The following ADTRP variants were observed in gnomAD, a reference collection of about 807,000 sequenced individuals.
ADTRP encodes androgen-dependent TFPI-regulating protein.
In ADTRP, 20 loss-of-function variants were observed where a neutral mutation model predicts 27.0. That is an observed-to-expected ratio of 0.74 (90% CI 0.52 to 1.08). The LOEUF is 1.08. Among genes scored for constraint, ADTRP ranks in the 50% least tolerant of loss-of-function variants. The probability of loss-of-function intolerance (pLI) is 0.00; values close to 1 mark genes in which losing one functional copy is unlikely to be tolerated. For synonymous variants in ADTRP, 101 were observed against 105.2 expected, an observed-to-expected ratio of 0.96 and a Z score of 0.25; for missense variants, 251 against 275.0, an observed-to-expected ratio of 0.91 and a Z score of 0.62.
intron 3 of ADTRP, among the ~76,000 whole-genome samples, chr6:11,739,081 A>ACT (rs1275304956): frequency 6.6e-6 from 1 of 152,210 alleles, no homozygotes; most frequent in Non-Finnish European, 1.5e-5. Context: ...AGAGAAAAAT[A>ACT]AAATATGTTT....
At chr6:11,759,433 T>C (rs927438114) in intron 3 of ADTRP, among the ~76,000 whole-genome samples, 8 of 152,210 alleles carry the variant, frequency 5.3e-5, no homozygotes, top group African/African-American at 1.4e-4. Context: ...ATCTGTATCA[T>C]ACAATCTCTA....
At chr6:11,761,935 G>A (rs151283706) in intron 3 of ADTRP, among the ~76,000 whole-genome samples, 2 of 152,296 alleles carry the variant, frequency 1.3e-5, no homozygotes, top group East Asian at 3.9e-4. Context: ...GCTGAATTGA[G>A]GGTGAGGAAT....
intron 2 of ADTRP, among the ~76,000 whole-genome samples, chr6:11,766,780 T>G (rs1271761564): frequency 6.6e-6 from 1 of 152,110 alleles, no homozygotes; most frequent in Non-Finnish European, 1.5e-5. Flanking sequence ...TTGTCCACCC[T>G]CTAAATAGGC....
At chr6:11,731,160 A>G (rs535003683) in intron 4 of ADTRP, among the ~76,000 whole-genome samples, 1 of 152,362 alleles carries the variant, frequency 6.6e-6, no homozygotes, top group Admixed American at 6.5e-5. Flanking sequence ...AAACTGGACC[A>G]AGACCTCCAA....
At chr6:11,714,837 A>G (rs967603051) in intron 5 of ADTRP, among the ~76,000 whole-genome samples, 20 of 152,224 alleles carry the variant, frequency 1.3e-4, no homozygotes, top group Non-Finnish European at 5.9e-5. Context: ...CACACAATCC[A>G]TCAGCAAACT....
chr6:11,735,209 T>C (rs1256335479), intron 4 of ADTRP, among the ~76,000 whole-genome samples: 1 of 152,192 alleles, frequency 6.6e-6, no homozygotes, highest in Non-Finnish European at 1.5e-5. Context: ...AGAATGTAGT[T>C]AGATGCCTCA....
intron 1 of ADTRP, among the ~76,000 whole-genome samples, chr6:11,772,584 T>C (rs1763818486): frequency 6.6e-6 from 1 of 152,136 alleles, no homozygotes; most frequent in East Asian, 1.9e-4. Context: ...ATTGGATGAG[T>C]CAAGTAATCC....
chr6:11,737,406 C>T (rs1407667987), intron 3 of ADTRP, among the ~76,000 whole-genome samples: 2 of 152,186 alleles, frequency 1.3e-5, no homozygotes, highest in African/African-American at 2.4e-5. Context: ...AATGTCATTG[C>T]GTTCCCATGC....
rs114705832 is a variant in ADTRP, at chr6:11,776,108, C to T, written c.153+2499G>A. On this transcript the variant is annotated intron_variant, in intron 1 of 5. Coordinates refer to ENST00000414691, the MANE Select transcript of ADTRP (RefSeq NM_032744.4). ...AATATTTCACCTTAAGCAACATATT[C>T]GAAATCTACATTAAATCGATCCTCT... Among the ~76,000 whole-genome samples the T allele has an allele frequency of 9.4e-4, 143 of 152,264 alleles. 2 individuals are homozygous for T. The highest frequency in any genetic ancestry group is 3.4e-3 in the African/African-American group (140 of 41,554).
chr6:11,771,450 A>T (rs1425838362), intron 1 of ADTRP, among the ~76,000 whole-genome samples: 1 of 152,210 alleles, frequency 6.6e-6, no homozygotes, highest in Non-Finnish European at 1.5e-5. Flanking sequence ...GGGCACACGG[A>T]GAGCGAGAGA....
In ADTRP at chr6:11,724,371, T is replaced by G. The variant is rs1212797106; in HGVS notation, c.507-871A>C. 2.0e-5 allele frequency among the ~76,000 whole-genome samples: 3 copies of G among 152,160 alleles called. No homozygotes were observed. The East Asian group carries it at 5.8e-4, about 29-fold the overall frequency. ...AACTGTCGGCCCTGATTTTCACTCA[T>G]GCATATAGCCATAAATAGAGTGTTA... On this transcript the variant is annotated intron_variant, in intron 4 of 5. Coordinates refer to ENST00000414691, the MANE Select transcript of ADTRP (RefSeq NM_032744.4).
Position 11,768,268 on chromosome 6 carries a change from A to G in ADTRP, c.269T>C (p.Leu90Pro). The change falls in exon 2 of 6, where the codon CTG becomes CCG. Residue 90 changes from leucine to proline, a missense_variant. Physicochemically the swap from Leu to Pro is moderately conservative, Grantham distance 98 (BLOSUM62 -3). Transcript: ENST00000414691. ...TAFRDLLFTT[L>P]AFPVSTFVFL... ...ACTTACCGTGGATACAGGAAAAGCC[A>G]GAGTGGTGAAAAGCAGGTCTCTGAA... The G allele has an allele frequency of 6.2e-7, 1 of 1,614,242 alleles. No individual in the cohort carries two copies. Among genetic ancestry groups the G allele is most frequent in the Non-Finnish European group, 8.5e-7 (1 of 1,180,038 alleles).
chr6:11,760,002 G>C (rs1304776069), intron 3 of ADTRP, among the ~76,000 whole-genome samples: 1 of 152,176 alleles, frequency 6.6e-6, no homozygotes, highest in Non-Finnish European at 1.5e-5. Context: ...ACAGACTCCA[G>C]AACGAATGCC....
At chr6:11,724,386 A>G (rs1762122498) in intron 4 of ADTRP, among the ~76,000 whole-genome samples, 1 of 152,180 alleles carries the variant, frequency 6.6e-6, no homozygotes, top group South Asian at 2.1e-4. Context: ...ATAGCCATAA[A>G]TAGAGTGTTA....
rs140588642 is a variant in ADTRP at position 11,768,121 on chromosome 6, A to G, written c.288+128T>C. On this transcript the variant is annotated intron_variant, in intron 2 of 5. Transcript: ENST00000414691. The stretch of plus-strand genomic sequence containing the variant: ...GGGCAATGTGGCGCAGTCCTCAGAC[A>G]GGACATTGTTGTAAATGCAGTGGGT... The G allele has an allele frequency of 4.3e-6, 5 of 1,162,882 alleles. No homozygotes were observed. The Admixed American group carries it at 6.7e-5, about 16-fold the overall frequency. The allele number at this position is 1,162,882 out of a possible 1,614,324, so 72.0% of individuals were successfully genotyped here.
At chr6:11,744,487 G>A (rs553487592) in intron 3 of ADTRP, among the ~76,000 whole-genome samples, 1 of 152,192 alleles carries the variant, frequency 6.6e-6, no homozygotes, top group African/African-American at 2.4e-5. Flanking sequence ...CACTGAGCAG[G>A]AGCTGGCAGC....
intron 3 of ADTRP, among the ~76,000 whole-genome samples, chr6:11,747,368 T>C (rs1203773411): frequency 6.6e-6 from 1 of 152,204 alleles, no homozygotes; most frequent in South Asian, 2.1e-4. Flanking sequence ...GGTTTCCAAA[T>C]TCAGAAGACA....
chr6:11,729,421 C>T, intron 4 of ADTRP, among the ~76,000 whole-genome samples: 1 of 152,110 alleles, frequency 6.6e-6, no homozygotes, highest in Non-Finnish European at 1.5e-5. Flanking sequence ...GCCTTCAGGG[C>T]CCATGGTTTT....
rs1761741052 is a variant in ADTRP, at chr6:11,714,340, T to C, written c.*138A>G. ...TTAAGCTACCTTCACGAACCTCTTATTAAATTTAAGTATCACTCTCTGTCC... is the reference window on the plus strand; with the variant it reads ...TTAAGCTACCTTCACGAACCTCTTACTAAATTTAAGTATCACTCTCTGTCC... On this transcript the variant is annotated 3_prime_UTR_variant, in exon 6 of 6. Coordinates refer to ENST00000414691, the MANE Select transcript of ADTRP (RefSeq NM_032744.4). 2 of 997,434 alleles carry C rather than the reference T, an allele frequency of 2.0e-6. No individual in the cohort carries two copies. The highest frequency in any genetic ancestry group is 2.9e-6 in the Non-Finnish European group (2 of 681,226). 61.8% of individuals were successfully genotyped at this position (997,434 alleles called of 1,614,324 possible).
Sources: allele counts gnomAD v4.1 joint callset (sites outside exome capture counted in the v4.1 genomes callset), GRCh38; gene constraint gnomAD v4.1.1; transcripts MANE v1.5; gene names NCBI Gene and HGNC (gene_info 2026-07-23, HGNC 2026-07-21).